The following PBRM1 variants were observed in gnomAD, a reference collection of about 807,000 sequenced individuals.
PBRM1 encodes polybromo 1, also known as protein polybromo-1.
Under a neutral mutation model 194.5 loss-of-function variants are expected in PBRM1, and 27 were observed. The ratio of observed to expected loss-of-function variants is 0.14; its 90% CI spans 0.10 to 0.19. PBRM1 has a LOEUF of 0.19. Among genes scored for constraint, PBRM1 ranks in the 10% least tolerant of loss-of-function variants. The probability of loss-of-function intolerance (pLI) is 1.00; values close to 1 mark genes in which losing one functional copy is unlikely to be tolerated. For missense variants in PBRM1, 1,466 were observed against 2,077.2 expected, an observed-to-expected ratio of 0.71 and a Z score of 5.72; for synonymous variants, 655 against 693.2, an observed-to-expected ratio of 0.94 and a Z score of 0.87.
intron 22 of PBRM1, 38 bp downstream of exon 24, chr3:52,576,503 G>C (rs2089649371): frequency 6.5e-7 from 1 of 1,535,094 alleles, no homozygotes; most frequent in Non-Finnish European, 8.9e-7. Flanking sequence ...AATTTTGATG[G>C]AATAAACACG....
chr3:52,548,675 C>T (rs946784275), intron 29 of PBRM1, among the ~76,000 whole-genome samples: 1 of 152,130 alleles, frequency 6.6e-6, no homozygotes, highest in African/African-American at 2.4e-5. Context: ...ATCTGCCTAC[C>T]TTGGCCTCCC....
exon 30 of PBRM1, chr3:52,547,990 A>T (rs2079896767): frequency 7.9e-7 from 1 of 1,259,276 alleles, no homozygotes; most frequent in Non-Finnish European, 1.1e-6. Context: ...CCTTCCCCCC[A>T]CCCCCAGTAA....
intron 17 of PBRM1, among the ~76,000 whole-genome samples, chr3:52,602,922 T>C (rs1439867384): frequency 1.3e-5 from 2 of 152,236 alleles, no homozygotes; most frequent in African/African-American, 4.8e-5. Context: ...AAGATTAACA[T>C]AACTTAGAGT....
chr3:52,638,750 C>G (rs2095932197), intron 10 of PBRM1, among the ~76,000 whole-genome samples: 1 of 151,778 alleles, frequency 6.6e-6, no homozygotes, highest in Non-Finnish European at 1.5e-5. Flanking sequence ...TGCACCACAC[C>G]ACGCCCGGCT....
At chr3:52,666,817 A>C (rs1277649435) in intron 3 of PBRM1, among the ~76,000 whole-genome samples, 2 of 148,948 alleles carry the variant, frequency 1.3e-5, no homozygotes, top group African/African-American at 5.0e-5. Context: ...GCTTGAGCCC[A>C]GGAGACAAGG....
chr3:52,594,114 T>G (rs1314577871), intron 17 of PBRM1, among the ~76,000 whole-genome samples: 1 of 152,188 alleles, frequency 6.6e-6, no homozygotes, highest in Non-Finnish European at 1.5e-5. Context: ...AGGCCTAGGC[T>G]CAAGCAATCC....
chr3:52,572,818 T>C (rs2087877076), intron 22 of PBRM1, among the ~76,000 whole-genome samples: 1 of 148,632 alleles, frequency 6.7e-6, no homozygotes, highest in African/African-American at 2.5e-5. Flanking sequence ...TCAAAACTTC[T>C]ATTTCAGAGA....
At chr3:52,658,947 C>T (rs1480676264) in intron 4 of PBRM1, among the ~76,000 whole-genome samples, 1 of 152,176 alleles carries the variant, frequency 6.6e-6, no homozygotes, top group East Asian at 1.9e-4. Context: ...GAAAGCATGT[C>T]CCATAATAGT....
intron 5 of PBRM1, among the ~76,000 whole-genome samples, chr3:52,654,862 A>C (rs1025597073): frequency 6.6e-6 from 1 of 152,094 alleles, no homozygotes; most frequent in Non-Finnish European, 1.5e-5. Context: ...ATCACAGCTC[A>C]CTGCGGCCTT....
At chr3:52,644,322 G>A (rs1416689495) in intron 8 of PBRM1, among the ~76,000 whole-genome samples, 1 of 151,970 alleles carries the variant, frequency 6.6e-6, no homozygotes, top group Non-Finnish European at 1.5e-5. Flanking sequence ...CATAAACCGT[G>A]TTAATGTTTA....
chr3:52,638,609 T>TA (rs1476821379), intron 10 of PBRM1, among the ~76,000 whole-genome samples: 2 of 151,718 alleles, frequency 1.3e-5, no homozygotes, highest in Non-Finnish European at 2.9e-5. Context: ...TCTCTTTTTT[T>TA]AAGAGACAGA....
chr3:52,565,156 G>A (rs564213336), intron 22 of PBRM1, among the ~76,000 whole-genome samples: 3 of 150,462 alleles, frequency 2.0e-5, no homozygotes, highest in South Asian at 2.1e-4. Flanking sequence ...CCAGGATGAC[G>A]CCACTGCACT....
intron 5 of PBRM1, among the ~76,000 whole-genome samples, chr3:52,653,769 G>A (rs1451478839): frequency 2.0e-5 from 3 of 151,604 alleles, no homozygotes; most frequent in Non-Finnish European, 4.4e-5. Flanking sequence ...AATTAGCTGG[G>A]TGTGGTGGCG....
chr3:52,628,844 A>T (rs780113301), intron 12 of PBRM1, 50 bp downstream of exon 13: 1 of 1,557,736 alleles, frequency 6.4e-7, no homozygotes, highest in Admixed American at 1.7e-5. Flanking sequence ...AACATGCAAA[A>T]TTATTTTAAT....
chr3:52,567,132 C>A (rs573437525), intron 22 of PBRM1, among the ~76,000 whole-genome samples: 1 of 146,920 alleles, frequency 6.8e-6, no homozygotes, highest in Admixed American at 6.7e-5. Context: ...CAATAAAAAA[C>A]TCCCATAAAT....
At chr3:52,556,122 T>C (rs894063843) in intron 26 of PBRM1, among the ~76,000 whole-genome samples, 2 of 152,150 alleles carry the variant, frequency 1.3e-5, no homozygotes, top group Admixed American at 6.6e-5. Flanking sequence ...ATTCTGAGAA[T>C]TTTACTCTTG....
intron 18 of PBRM1, among the ~76,000 whole-genome samples, chr3:52,588,639 C>T (rs1371036884): frequency 7.3e-5 from 11 of 150,196 alleles, no homozygotes; most frequent in African/African-American, 2.7e-4. Flanking sequence ...CTTGCAAGCT[C>T]CGCCTCCTGG....
chr3:52,642,886 A>C (rs1271040503), intron 9 of PBRM1, among the ~76,000 whole-genome samples: 2 of 151,120 alleles, frequency 1.3e-5, no homozygotes, highest in Non-Finnish European at 2.9e-5. Flanking sequence ...TCCCGAGTTC[A>C]AGCGATTCTC....
At chr3:52,584,647 G>C (rs550638794) in intron 20 of PBRM1, among the ~76,000 whole-genome samples, 1 of 151,448 alleles carries the variant, frequency 6.6e-6, no homozygotes, top group East Asian at 1.9e-4. Flanking sequence ...GTAGAGATGG[G>C]GTTTCACCAT....
Sources: allele counts gnomAD v4.1 joint callset (sites outside exome capture counted in the v4.1 genomes callset), GRCh38; gene constraint gnomAD v4.1.1; transcripts MANE v1.5; gene names NCBI Gene and HGNC (gene_info 2026-07-23, HGNC 2026-07-21).